CLCA1: variants seen among roughly 807,000 people sequenced by gnomAD.
CLCA1 encodes chloride channel accessory 1.
Under a neutral mutation model 85.6 loss-of-function variants are expected in CLCA1, and 59 were observed. The observed-to-expected ratio is 0.69, with a 90% CI of 0.56 to 0.86. The LOEUF (loss-of-function observed/expected upper bound fraction) is 0.86, where lower values mean the gene tolerates loss of function less well. Among genes scored for constraint, CLCA1 ranks in the 40% least tolerant of loss-of-function variants. The pLI, the probability that CLCA1 is intolerant of heterozygous loss-of-function variation, is 0.00. For missense variants in CLCA1, 1,022 were observed against 1,101.4 expected, an observed-to-expected ratio of 0.93 and a Z score of 1.02; for synonymous variants, 396 against 398.3, an observed-to-expected ratio of 0.99 and a Z score of 0.07.
rs935222454 is a variant in CLCA1 at position 86,488,910 on chromosome 1, C to T, written c.1183-86C>T. The T allele has an allele frequency of 1.4e-5, 16 of 1,178,062 alleles. No individual in the cohort carries two copies. In the East Asian group the frequency reaches 3.6e-4, roughly 26 times the overall value. The allele number at this position is 1,178,062 out of a possible 1,614,324, so 73.0% of individuals were successfully genotyped here. A position where few individuals can be genotyped will look rare whatever the true frequency, so the allele number is the denominator to read the frequency against. On this transcript the variant is annotated intron_variant, in intron 7 of 13. Transcript: ENST00000394711. ...ATTTTGGTTATTCCCTCTAGAATTT[C>T]TTTTCTCCTTTCCTGTAAGCAGAAT... is the stretch of plus-strand genomic sequence containing the variant.
intron 9 of CLCA1, 93 bp from the exon 10 acceptor site, chr1:86,493,291 T>C: frequency 2.1e-6 from 2 of 949,236 alleles, no homozygotes; most frequent in Non-Finnish European, 3.3e-6. Flanking sequence ...TGAAGTCTTT[T>C]TAATGGCGCA....
intron 1 of CLCA1, among the ~76,000 whole-genome samples, chr1:86,471,328 C>T (rs1307556243): frequency 6.6e-6 from 1 of 152,174 alleles, no homozygotes; most frequent in Admixed American, 6.5e-5. Flanking sequence ...ATGTCAGGTA[C>T]TAGAAGTCCA....
Position 86,482,399 on chromosome 1 carries a change from C to A in CLCA1, c.735+17C>A. On this transcript the variant is annotated intron_variant, in intron 5 of 13. Transcript: ENST00000394711. ...GTTGATTCTGTAAGTACCTTGTTCT[C>A]ACCCCCTCCCCCAGATTCTTATGAA... 6.2e-7 allele frequency: 1 copy of A among 1,605,224 alleles called. No individual in the cohort carries two copies. The highest frequency in any genetic ancestry group is 1.1e-5 in the South Asian group (1 of 89,426).
intron 9 of CLCA1, among the ~76,000 whole-genome samples, chr1:86,491,605 C>A (rs570666169): frequency 6.6e-6 from 1 of 152,310 alleles, no homozygotes; most frequent in Admixed American, 6.5e-5. Flanking sequence ...TCACAGAAGT[C>A]AGCAGATAAA....
chr1:86,499,791 A>T lies in CLCA1; in HGVS notation c.2491A>T (p.Asn831Tyr), dbSNP rs761483222. 6.2e-7 allele frequency: 1 copy of T among 1,614,136 alleles called. No individual in the cohort carries two copies. Among genetic ancestry groups the T allele is most frequent in the Non-Finnish European group, 8.5e-7 (1 of 1,179,950 alleles). Residue 831 changes from asparagine (N) to tyrosine (Y), a missense_variant, in exon 14 of 14, where the codon AAC becomes TAC. Physicochemically the swap from Asn to Tyr is moderately radical, Grantham distance 143. Coordinates refer to ENST00000394711, the MANE Select transcript of CLCA1 (RefSeq NM_001285.4). ...SEEVFLFKPE[N>Y]ITFENGTDLF... ...GGAAGTCTTTTTGTTTAAACCAGAA[A>T]ACATTACTTTTGAAAATGGCACAGA...
chr1:86,493,881 T>C (rs768780571), intron 10 of CLCA1, among the ~76,000 whole-genome samples: 8 of 152,186 alleles, frequency 5.3e-5, no homozygotes, highest in Non-Finnish European at 8.8e-5. Context: ...TTTGGGATCA[T>C]AAAAGTTATT....
Position 86,494,449 on chromosome 1 carries a change from G to A in CLCA1, c.1942+1G>A. On this transcript the variant is annotated splice_donor_variant, in intron 11 of 13. Transcript: ENST00000394711. LOFTEE classifies it high-confidence loss of function. ...TTGGAACTACTGGATAATGGAGCAG[G>A]TAATCACCCAAGAAATTGGAAGATA... The A allele has an allele frequency of 6.2e-7, 1 of 1,612,920 alleles. No individual in the cohort carries two copies. Among genetic ancestry groups the A allele is most frequent in the Non-Finnish European group, 8.5e-7 (1 of 1,179,072 alleles).
intron 4 of CLCA1, among the ~76,000 whole-genome samples, chr1:86,478,278 T>A (rs1400458270): frequency 6.6e-6 from 1 of 151,810 alleles, no homozygotes; most frequent in Non-Finnish European, 1.5e-5. Flanking sequence ...TACAAAAAAA[T>A]TGGCCATGTG....
chr1:86,475,284 A>G (rs1202129880), intron 3 of CLCA1, among the ~76,000 whole-genome samples: 1 of 152,172 alleles, frequency 6.6e-6, no homozygotes, highest in African/African-American at 2.4e-5. Flanking sequence ...TAAAGTCCCA[A>G]TCCTTAGTGT....
At chr1:86,470,051 G>A (rs1185509355) in intron 1 of CLCA1, among the ~76,000 whole-genome samples, 2 of 152,134 alleles carry the variant, frequency 1.3e-5, no homozygotes, top group South Asian at 2.1e-4. Flanking sequence ...CATAGTGCCT[G>A]GTACATAGTA....
chr1:86,478,436 A>G (rs1157932968), intron 4 of CLCA1, among the ~76,000 whole-genome samples: 1 of 152,076 alleles, frequency 6.6e-6, no homozygotes, highest in Non-Finnish European at 1.5e-5. Context: ...CCCCGAAAAA[A>G]AAAAGAGAGA....
In CLCA1 at chr1:86,469,728, T is replaced by G. The variant is rs183358039; in HGVS notation, c.162+595T>G. Among the ~76,000 whole-genome samples the G allele has an allele frequency of 2.6e-5, 4 of 152,292 alleles. No homozygotes were observed. The East Asian group carries it at 7.7e-4, about 29-fold the overall frequency. On this transcript the variant is annotated intron_variant, in intron 1 of 13. Transcript: ENST00000394711. Reference sequence around the variant, plus strand: ...CTTCCTGTCCTGGCAGGGGTATCTATACCATTGAAGAAGGTCTTGTACAAC... The same window carrying G: ...CTTCCTGTCCTGGCAGGGGTATCTAGACCATTGAAGAAGGTCTTGTACAAC...
chr1:86,486,597 C>T lies in CLCA1; in HGVS notation c.1026C>T (p.Ser342=). 6.2e-7 allele frequency: 1 copy of T among 1,614,086 alleles called. No homozygotes were observed. Among genetic ancestry groups the T allele is most frequent in the Non-Finnish European group, 8.5e-7 (1 of 1,180,026 alleles). Residue 342 remains serine, a synonymous_variant, in exon 7 of 14, where the codon TCC becomes TCT. Transcript: ENST00000394711. ...LFLLQTVELG[S]WVGMVTFDSA... is the part of the protein sequence containing the mutation. ...TGCTGCAGACAGTTGAGCTGGGGTC[C>T]TGGGTTGGGATGGTGACATTTGACA... is the stretch of plus-strand genomic sequence containing the variant.
chr1:86,499,867 T>C lies in CLCA1; in HGVS notation c.2567T>C (p.Ile856Thr). The C allele has an allele frequency of 1.9e-6, 3 of 1,613,932 alleles. No individual in the cohort carries two copies. The highest frequency in any genetic ancestry group is 2.5e-6 in the Non-Finnish European group (3 of 1,179,786). The change falls in exon 14 of 14, where the codon ATA (isoleucine) becomes ACA (threonine). Residue 856 changes from isoleucine (I) to threonine (T), a missense_variant. Coordinates refer to ENST00000394711, the MANE Select transcript of CLCA1 (RefSeq NM_001285.4). ...GATAAGGTCGATCTGAAATCAGAAA[T>C]ATCCAACATTGCACGAGTATCTTTG... ...AVDKVDLKSE[I>T]SNIARVSLFI...
At chr1:86,482,944 T>C (rs1446668317) in intron 5 of CLCA1, among the ~76,000 whole-genome samples, 1 of 152,224 alleles carries the variant, frequency 6.6e-6, no homozygotes, top group Admixed American at 6.5e-5. Flanking sequence ...TTGATATTAC[T>C]GCTAAATATA....
intron 8 of CLCA1, among the ~76,000 whole-genome samples, chr1:86,489,986 A>T (rs1367375221): frequency 6.6e-6 from 1 of 152,184 alleles, no homozygotes; most frequent in Non-Finnish European, 1.5e-5. Context: ...AAAAGGAAGG[A>T]GGAAAGGATA....
At chr1:86,496,825 G>A in intron 12 of CLCA1, among the ~76,000 whole-genome samples, 1 of 152,176 alleles carries the variant, frequency 6.6e-6, no homozygotes. Flanking sequence ...CACCTCCCGG[G>A]TCCAAGTGAT....
At position 86,473,712 on chromosome 1, in the gene CLCA1, T is replaced by C. The variant is rs1647563256; in HGVS notation, c.304-17T>C. The C allele has an allele frequency of 1.3e-6, 2 of 1,558,770 alleles. No homozygotes were observed. The highest frequency in any genetic ancestry group is 1.2e-5 in the South Asian group (1 of 83,282). ...GCTGAAACTTTGTGATGATAGAAAC[T>C]TTTTCTTAAATTTCAGGCTGATGTT... On this transcript the variant is annotated splice_polypyrimidine_tract_variant and intron_variant, in intron 2 of 13. Transcript: ENST00000394711.
intron 5 of CLCA1, among the ~76,000 whole-genome samples, chr1:86,485,057 T>G (rs1358689822): frequency 6.6e-6 from 1 of 151,884 alleles, no homozygotes; most frequent in Non-Finnish European, 1.5e-5. Context: ...GAGGGTGCTA[T>G]GGAGAGAGCA....
Sources: allele counts gnomAD v4.1 joint callset (sites outside exome capture counted in the v4.1 genomes callset), GRCh38; gene constraint gnomAD v4.1.1; transcripts MANE v1.5; gene names NCBI Gene and HGNC (gene_info 2026-07-23, HGNC 2026-07-21).